Variants in GSG1L observed in about 807,000 individuals in gnomAD.
GSG1L encodes the protein GSG1 like.
A neutral mutation model predicts 42.1 loss-of-function variants in GSG1L; 24 were observed. That is an observed-to-expected ratio of 0.57 (90% CI 0.41 to 0.80). GSG1L has a LOEUF of 0.80. GSG1L is among the 30% of genes least tolerant of loss of function. The pLI is 0.00. For synonymous variants in GSG1L, 215 were observed against 203.5 expected, an observed-to-expected ratio of 1.06 and a Z score of -0.48; for missense variants, 445 against 472.2, an observed-to-expected ratio of 0.94 and a Z score of 0.53.
intron 2 of GSG1L, among the ~76,000 whole-genome samples, chr16:27,926,706 A>G (rs1567521596): frequency 3.3e-5 from 5 of 151,892 alleles, no homozygotes; most frequent in South Asian, 4.2e-4. Context: ...AAAACAAACG[A>G]AAAAAAACCT....
intron 2 of GSG1L, among the ~76,000 whole-genome samples, chr16:27,892,861 G>A (rs941722512): frequency 6.6e-6 from 1 of 151,576 alleles, no homozygotes; most frequent in African/African-American, 2.4e-5. Flanking sequence ...GTAGGTGTTG[G>A]CATCAGGCAA....
intron 2 of GSG1L, among the ~76,000 whole-genome samples, chr16:27,921,222 C>T (rs2084520281): frequency 6.6e-6 from 1 of 152,148 alleles, no homozygotes; most frequent in African/African-American, 2.4e-5. Flanking sequence ...CAGTAAGTAG[C>T]TGCTGTCTTC....
intron 3 of GSG1L, among the ~76,000 whole-genome samples, chr16:27,862,929 G>GT (rs553972897): frequency 1.0e-3 from 149 of 146,986 alleles, no homozygotes; most frequent in Admixed American, 3.1e-3. Flanking sequence ...ATTCTCTAGG[G>GT]TTTTTTTTTT....
intron 2 of GSG1L, among the ~76,000 whole-genome samples, chr16:27,934,545 T>C (rs539680189): frequency 6.6e-6 from 1 of 151,772 alleles, no homozygotes; most frequent in African/African-American, 2.4e-5. Flanking sequence ...AAAAAATAAA[T>C]AAATAAAATA....
chr16:27,898,761 T>C (rs1019007867), intron 2 of GSG1L, among the ~76,000 whole-genome samples: 1 of 152,058 alleles, frequency 6.6e-6, no homozygotes, highest in African/African-American at 2.4e-5. Flanking sequence ...TCTCTCTTGG[T>C]ACATGTGATA....
intron 2 of GSG1L, among the ~76,000 whole-genome samples, chr16:27,899,249 G>A (rs748650949): frequency 7.2e-5 from 11 of 152,352 alleles, no homozygotes; most frequent in African/African-American, 1.9e-4. Context: ...TACCCGCTGC[G>A]AGTTGGCAGT....
intron 3 of GSG1L, among the ~76,000 whole-genome samples, chr16:27,870,841 C>T (rs2083811504): frequency 6.6e-6 from 1 of 151,386 alleles, no homozygotes; most frequent in Non-Finnish European, 1.5e-5. Context: ...CATCCACAGT[C>T]CTCCGTTCCC....
chr16:27,799,405 G>A (rs371180959), intron 6 of GSG1L, among the ~76,000 whole-genome samples: 4 of 152,028 alleles, frequency 2.6e-5, no homozygotes, highest in Admixed American at 6.6e-5. Context: ...AATTACCCAC[G>A]TCTATGTCAT....
At chr16:27,807,259 C>T (rs1435834166) in intron 6 of GSG1L, among the ~76,000 whole-genome samples, 3 of 152,216 alleles carry the variant, frequency 2.0e-5, no homozygotes, top group East Asian at 3.8e-4. Flanking sequence ...CAGTCTCTTC[C>T]TTCCTTTCTT....
chr16:27,953,295 GC>G (rs959435873), intron 2 of GSG1L, among the ~76,000 whole-genome samples: 41 of 152,232 alleles, frequency 2.7e-4, no homozygotes, highest in African/African-American at 8.7e-4. Context: ...TTGCTGTTTT[GC>G]CCAGCCTGGT....
intron 2 of GSG1L, among the ~76,000 whole-genome samples, chr16:27,894,566 G>C (rs1024455821): frequency 6.6e-6 from 1 of 152,196 alleles, no homozygotes; most frequent in Non-Finnish European, 1.5e-5. Context: ...CCCTGATACC[G>C]AGCATGTTGA....
chr16:27,888,015 G>T, intron 2 of GSG1L: 1 of 796,530 alleles, frequency 1.3e-6, no homozygotes. Context: ...CTGCAGGAGG[G>T]TGGCCGCCCC....
intron 2 of GSG1L, among the ~76,000 whole-genome samples, chr16:27,941,281 T>C (rs1432015965): frequency 2.0e-5 from 3 of 151,936 alleles, no homozygotes; most frequent in African/African-American, 4.8e-5. Flanking sequence ...CCAGAATATA[T>C]AAAGACTCCT....
At chr16:27,802,154 C>T (rs1398297553) in intron 6 of GSG1L, among the ~76,000 whole-genome samples, 1 of 152,146 alleles carries the variant, frequency 6.6e-6, no homozygotes, top group Non-Finnish European at 1.5e-5. Flanking sequence ...TCTGGCCACA[C>T]AGTGCACGAA....
At chr16:27,972,039 T>G (rs1361743159) in intron 1 of GSG1L, among the ~76,000 whole-genome samples, 1 of 152,212 alleles carries the variant, frequency 6.6e-6, no homozygotes, top group Non-Finnish European at 1.5e-5. Context: ...TTCCCAGCTC[T>G]CTGCTCCCAT....
intron 1 of GSG1L, among the ~76,000 whole-genome samples, chr16:28,046,221 G>A (rs1221412400): frequency 1.3e-5 from 2 of 152,032 alleles, no homozygotes; most frequent in African/African-American, 4.8e-5. Flanking sequence ...TGAGGGGAAA[G>A]GTTTAAACCT....
intron 1 of GSG1L, among the ~76,000 whole-genome samples, chr16:28,015,740 A>G (rs557661866): frequency 1.3e-4 from 20 of 152,354 alleles, no homozygotes; most frequent in African/African-American, 4.6e-4. Flanking sequence ...GTAGTCAGGA[A>G]CAAGTACAAT....
intron 5 of GSG1L, among the ~76,000 whole-genome samples, chr16:27,821,925 TA>T (rs2083155080): frequency 6.6e-6 from 1 of 151,708 alleles, no homozygotes; most frequent in South Asian, 2.1e-4. Flanking sequence ...AATAAATAAA[TA>T]AATAAATAAG....
chr16:28,002,059 C>T (rs577062665), intron 1 of GSG1L, among the ~76,000 whole-genome samples: 4 of 152,310 alleles, frequency 2.6e-5, no homozygotes, highest in Admixed American at 6.5e-5. Flanking sequence ...TCATTAAGCA[C>T]CTACTACGCG....
Sources: allele counts gnomAD v4.1 joint callset (sites outside exome capture counted in the v4.1 genomes callset), GRCh38; gene constraint gnomAD v4.1.1; transcripts MANE v1.5; gene names NCBI Gene and HGNC (gene_info 2026-07-23, HGNC 2026-07-21).